CREM: variants seen among roughly 807,000 people sequenced by gnomAD.
CREM encodes cAMP responsive element modulator, also known as cAMP-responsive element modulator.
A neutral mutation model predicts 37.3 loss-of-function variants in CREM; 13 were observed. The ratio of observed to expected loss-of-function variants is 0.35; its 90% CI spans 0.23 to 0.55. CREM has a LOEUF of 0.55. Ranked by LOEUF, CREM falls within the 20% of genes least tolerant of loss-of-function variation. CREM has a pLI of 0.88. For synonymous variants in CREM, 124 were observed against 120.2 expected, an observed-to-expected ratio of 1.03 and a Z score of -0.21; for missense variants, 296 against 362.3, an observed-to-expected ratio of 0.82 and a Z score of 1.49.
At position 35,196,865 on chromosome 10, in the gene CREM, C is replaced by CTTTTTTTTTTT. The variant is rs58503822; in HGVS notation, c.598+8489_598+8499dup. Among the ~76,000 whole-genome samples the CTTTTTTTTTTT allele has an allele frequency of 3.0e-4, 33 of 108,940 alleles. 2 individuals carry two copies. The highest frequency in any genetic ancestry group is 4.9e-4 in the Non-Finnish European group (27 of 55,442). 71.5% of individuals were successfully genotyped at this position (108,940 alleles called of 152,430 possible). ...TAAAATGATGTGAAAACGCTGTGTA[C>CTTTTTTTTTTT]TTTTTTTTTTTTTTTTTTTTTTGAG... On this transcript the variant is annotated intron_variant, in intron 6 of 7. Coordinates refer to ENST00000685392, the MANE Select transcript of CREM (RefSeq NM_183011.2).
chr10:35,168,424 G>A (rs532254236), intron 3 of CREM, among the ~76,000 whole-genome samples: 74 of 152,212 alleles, frequency 4.9e-4, no homozygotes, highest in Admixed American at 1.4e-3. Context: ...CATATCCTTC[G>A]CCCACTTTTT....
intron 3 of CREM, among the ~76,000 whole-genome samples, chr10:35,177,208 A>G (rs2094134144): frequency 6.6e-6 from 1 of 152,026 alleles, no homozygotes; most frequent in Admixed American, 6.6e-5. Context: ...AAATTCACAT[A>G]CATTAAAAGC....
chr10:35,166,212 A>C (rs992366393), intron 3 of CREM, among the ~76,000 whole-genome samples: 3 of 152,118 alleles, frequency 2.0e-5, no homozygotes, highest in African/African-American at 7.2e-5. Context: ...CTTAAGGTAA[A>C]ATTTAAATGC....
chr10:35,148,682 C>T (rs1244368267), intron 3 of CREM, 191 bp downstream of exon 3: 4 of 564,566 alleles, frequency 7.1e-6, no homozygotes, highest in East Asian at 3.4e-5. Context: ...TCAGCAGTGC[C>T]CCATCTCCAT....
At position 35,135,784 on chromosome 10, in the gene CREM, A is replaced by G. The variant is rs564352718; in HGVS notation, c.-54-1998A>G. 2.6e-5 allele frequency among the ~76,000 whole-genome samples: 4 copies of G among 152,108 alleles called. No homozygotes were observed. The South Asian group carries it at 8.3e-4, about 32-fold the overall frequency. ...AAAATGAGACAAAGAAGATAGAACA[A>G]AAGGCTAGATAATTTGGAAGAAAAG... On this transcript the variant is annotated intron_variant, in intron 1 of 7. Coordinates refer to ENST00000685392, the MANE Select transcript of CREM (RefSeq NM_183011.2).
rs371227519 is a variant in CREM, at chr10:35,170,455, G to A, written c.169-8434G>A. Reference sequence around the variant, plus strand: ...GGATTCCCTGTTTTTCTATTGATTGGAATAGTTTCAGAAGGAATGGTACCA... The same window carrying A: ...GGATTCCCTGTTTTTCTATTGATTGAAATAGTTTCAGAAGGAATGGTACCA... On this transcript the variant is annotated intron_variant, in intron 3 of 7. Transcript: ENST00000685392. Among the ~76,000 whole-genome samples the A allele has an allele frequency of 2.4e-4, 36 of 152,270 alleles. 1 individual carries two copies. In the South Asian group the frequency reaches 6.4e-3, roughly 27 times the overall value.
intron 1 of CREM, among the ~76,000 whole-genome samples, chr10:35,133,201 G>A (rs928424142): frequency 6.6e-6 from 1 of 152,070 alleles, no homozygotes; most frequent in Non-Finnish European, 1.5e-5. Context: ...TTTTGAAAGT[G>A]GAGTAAGAAC....
At chr10:35,186,559 T>C (rs1048382825) in intron 5 of CREM, among the ~76,000 whole-genome samples, 7 of 149,496 alleles carry the variant, frequency 4.7e-5, no homozygotes, top group African/African-American at 1.7e-4. Context: ...TGGCAAAGGT[T>C]ACAGTTTTCT....
intron 2 of CREM, among the ~76,000 whole-genome samples, chr10:35,145,031 C>T (rs755768799): frequency 3.3e-5 from 5 of 151,684 alleles, no homozygotes; most frequent in African/African-American, 1.2e-4. Context: ...TGTGGTGGCG[C>T]GTGCCTGTAA....
At chr10:35,158,314 T>G (rs1210349855) in intron 3 of CREM, 1 of 173,154 alleles carries the variant, frequency 5.8e-6, no homozygotes, top group East Asian at 1.7e-4. Context: ...CCATGGCCAG[T>G]CCATTGCAGG....
chr10:35,187,092 A>ATT lies in CREM; in HGVS notation c.410-1107_410-1106insTT, dbSNP rs1491374304. 2.9e-4 allele frequency among the ~76,000 whole-genome samples: 19 copies of ATT among 64,686 alleles called. No homozygotes were observed. The East Asian group carries it at 3.6e-3, about 12-fold the overall frequency. The allele number at this position is 64,686 out of a possible 152,430, so 42.4% of individuals were successfully genotyped here. A position where few individuals can be genotyped will look rare whatever the true frequency, so the allele number is the denominator to read the frequency against. ...AATATAATAATATATATAATATATA[A>ATT]TATATATGATATATATTATATAAAT... On this transcript the variant is annotated intron_variant, in intron 5 of 7. Transcript: ENST00000685392.
At chr10:35,132,334 T>C (rs2089584135) in intron 1 of CREM, among the ~76,000 whole-genome samples, 1 of 152,158 alleles carries the variant, frequency 6.6e-6, no homozygotes, top group South Asian at 2.1e-4. Context: ...CAGCAGCCCA[T>C]TCTGTAGTTC....
At chr10:35,162,493 T>G in intron 3 of CREM, among the ~76,000 whole-genome samples, 1 of 152,234 alleles carries the variant, frequency 6.6e-6, no homozygotes, top group Admixed American at 6.5e-5. Flanking sequence ...ACATAATGTA[T>G]ATATACTCCA....
At chr10:35,186,427 G>C (rs2094554236) in intron 5 of CREM, among the ~76,000 whole-genome samples, 1 of 151,760 alleles carries the variant, frequency 6.6e-6, no homozygotes, top group African/African-American at 2.4e-5. Context: ...ATTAGCTGTA[G>C]TTACTTGAGA....
intron 2 of CREM, among the ~76,000 whole-genome samples, chr10:35,145,182 G>T (rs1055375666): frequency 1.4e-5 from 2 of 141,868 alleles, no homozygotes; most frequent in African/African-American, 5.2e-5. Flanking sequence ...AAAAAAAAAG[G>T]TATTATTCCT....
At chr10:35,204,091 A>T (rs2095458050) in intron 6 of CREM, among the ~76,000 whole-genome samples, 1 of 152,204 alleles carries the variant, frequency 6.6e-6, no homozygotes, top group Admixed American at 6.5e-5. Flanking sequence ...GAGCTATGTT[A>T]TTCTCTGCTC....
At chr10:35,186,884 TATAA>T (rs1372093589) in intron 5 of CREM, among the ~76,000 whole-genome samples, 10 of 96,152 alleles carry the variant, frequency 1.0e-4, no homozygotes, top group African/African-American at 2.8e-4. Flanking sequence ...ATATATAAAA[TATAA>T]ATAATTATAA....
chr10:35,184,536 T>A (rs1340776713), intron 5 of CREM, among the ~76,000 whole-genome samples: 2 of 152,164 alleles, frequency 1.3e-5, no homozygotes, highest in African/African-American at 4.8e-5. Context: ...AAGAGCACCT[T>A]TGGCATAAAA....
intron 5 of CREM, chr10:35,179,781 GGATA>G (rs1200929018): frequency 3.3e-5 from 5 of 152,416 alleles, no homozygotes; most frequent in African/African-American, 1.2e-4. Context: ...TGTAGCAATT[GGATA>G]GATAATTTTA....
Sources: gnomAD v4.1 joint callset for allele counts (sites outside exome capture counted in the v4.1 genomes callset) on GRCh38, gnomAD v4.1.1 for gene constraint, MANE v1.5 for transcripts, NCBI Gene and HGNC (gene_info 2026-07-23, HGNC 2026-07-21) for gene names.